The following SOX5 variants were observed in gnomAD, a reference collection of about 807,000 sequenced individuals.
SOX5 encodes SRY-box transcription factor 5, also known as transcription factor SOX-5.
SOX5 carries 9 observed loss-of-function variants against 92.0 expected under a neutral mutation model. The ratio of observed to expected loss-of-function variants is 0.10; its 90% CI spans 0.06 to 0.17. SOX5 has a LOEUF of 0.17. Among genes scored for constraint, SOX5 ranks in the 10% least tolerant of loss-of-function variants. The pLI is 1.00. For missense variants in SOX5, 642 were observed against 944.5 expected (o/e 0.68, Z 4.20); for synonymous variants, 344 against 336.3 (o/e 1.02, Z -0.25).
chr12:24,413,196 T>G (rs891125945), intron 1 of SOX5, among the ~76,000 whole-genome samples: 13 of 152,238 alleles, frequency 8.5e-5, no homozygotes, highest in African/African-American at 3.1e-4. Flanking sequence ...CTCCTTTCAA[T>G]TTAATCAGTT....
chr12:24,014,011 C>A lies in SOX5; in HGVS notation c.-1-117987G>T, dbSNP rs78681285. On this transcript the variant is annotated intron_variant, in intron 4 of 4. Coordinates refer to the SOX5 transcript ENST00000446891. ...AATAAGAAGAGAGAGATGGGTAATA[C>A]CATTTGAAGAGAAGTGTCTATTAGT... 3.3e-5 allele frequency among the ~76,000 whole-genome samples: 5 copies of A among 152,188 alleles called. No homozygotes were observed. In the East Asian group the frequency reaches 9.7e-4, roughly 29 times the overall value.
rs554750542 is a variant in SOX5 at position 24,343,328 on chromosome 12, C to T, written c.-174+25235G>A. On this transcript the variant is annotated intron_variant, in intron 2 of 4. Coordinates refer to the SOX5 transcript ENST00000446891. ...GGAAACAAAGAGCAGTAGAGTAAAA[C>T]GGCTTGCTCCTTGGGTCCCTACATC... 5.9e-5 allele frequency among the ~76,000 whole-genome samples: 9 copies of T among 152,170 alleles called. No homozygotes were observed. In the East Asian group the frequency reaches 1.2e-3, roughly 20 times the overall value.
chr12:24,310,613 CTT>C (rs972543184), intron 2 of SOX5, among the ~76,000 whole-genome samples: 6 of 152,218 alleles, frequency 3.9e-5, no homozygotes, highest in African/African-American at 1.2e-4. Flanking sequence ...CAAAATCTAA[CTT>C]TGTAAATCTA....
intron 8 of SOX5, among the ~76,000 whole-genome samples, chr12:23,635,827 A>G (rs138893526): frequency 1.3e-3 from 192 of 152,268 alleles, no homozygotes; most frequent in African/African-American, 4.5e-3. Flanking sequence ...AATGAGTGAC[A>G]ATTATGATGG....
intron 4 of SOX5, among the ~76,000 whole-genome samples, chr12:24,064,265 T>C (rs887079272): frequency 1.3e-5 from 2 of 152,212 alleles, no homozygotes; most frequent in African/African-American, 2.4e-5. Context: ...TTTGGCTAGA[T>C]TCATTTAAAA....
chr12:23,565,735 T>C (rs1279232218), intron 10 of SOX5, among the ~76,000 whole-genome samples: 2 of 151,686 alleles, frequency 1.3e-5, no homozygotes, highest in Non-Finnish European at 3.0e-5. Context: ...TTTTAGAGAC[T>C]CTTGAGTTTT....
chr12:24,172,720 C>T (rs1246345024), intron 4 of SOX5, among the ~76,000 whole-genome samples: 2 of 152,064 alleles, frequency 1.3e-5, no homozygotes, highest in Non-Finnish European at 2.9e-5. Context: ...AAGTTACTGT[C>T]CCCACTGTGA....
intron 1 of SOX5, among the ~76,000 whole-genome samples, chr12:24,450,028 C>A (rs751230007): frequency 3.9e-5 from 6 of 152,104 alleles, no homozygotes; most frequent in Non-Finnish European, 7.4e-5. Flanking sequence ...AATGAGTATG[C>A]GCAACCACAA....
chr12:23,971,335 G>T (rs1435065765), intron 4 of SOX5, among the ~76,000 whole-genome samples: 2 of 151,364 alleles, frequency 1.3e-5, no homozygotes, highest in Non-Finnish European at 2.9e-5. Context: ...TGTTAGCCAG[G>T]AAGGTCTAGA....
intron 3 of SOX5, among the ~76,000 whole-genome samples, chr12:23,772,071 C>T (rs1011604115): frequency 6.6e-6 from 1 of 152,150 alleles, no homozygotes; most frequent in Non-Finnish European, 1.5e-5. Context: ...TGCTCTTATA[C>T]TAAGTGGTTA....
chr12:23,719,640 C>T (rs1268213325), intron 6 of SOX5, among the ~76,000 whole-genome samples: 1 of 151,742 alleles, frequency 6.6e-6, no homozygotes, highest in Non-Finnish European at 1.5e-5. Flanking sequence ...ACCTGTGGTC[C>T]TAGCCACTCA....
At chr12:24,489,062 A>ATT (rs2137931202) in intron 1 of SOX5, among the ~76,000 whole-genome samples, 1 of 152,326 alleles carries the variant, frequency 6.6e-6, no homozygotes, top group South Asian at 2.1e-4. Flanking sequence ...AATAGTTTGC[A>ATT]TTGAAGGTCT....
chr12:24,259,361 T>C (rs1394078531), intron 3 of SOX5, among the ~76,000 whole-genome samples: 1 of 152,230 alleles, frequency 6.6e-6, no homozygotes, highest in Non-Finnish European at 1.5e-5. Flanking sequence ...TTTGTGTGTA[T>C]ATATTTACAT....
At chr12:23,966,094 A>G (rs1355532965) in intron 4 of SOX5, among the ~76,000 whole-genome samples, 3 of 151,938 alleles carry the variant, frequency 2.0e-5, no homozygotes, top group African/African-American at 4.8e-5. Flanking sequence ...AACATATTCA[A>G]TCATTGAAAT....
chr12:23,716,797 G>A (rs1050205880), intron 6 of SOX5, among the ~76,000 whole-genome samples: 1 of 152,136 alleles, frequency 6.6e-6, no homozygotes, highest in Non-Finnish European at 1.5e-5. Flanking sequence ...TAAGTGACTT[G>A]TACAAAGTTA....
intron 1 of SOX5, among the ~76,000 whole-genome samples, chr12:24,376,244 G>A (rs1957246596): frequency 2.0e-5 from 3 of 152,312 alleles, no homozygotes; most frequent in South Asian, 4.1e-4. Context: ...AGAGGTACTT[G>A]TGGAGGTAGC....
chr12:23,965,414 C>A (rs1569298597), intron 4 of SOX5, among the ~76,000 whole-genome samples: 1 of 152,104 alleles, frequency 6.6e-6, no homozygotes, highest in Non-Finnish European at 1.5e-5. Context: ...ACACCAGCCA[C>A]CACAGTTAGA....
rs71063303 is a variant in SOX5 at position 24,289,453 on chromosome 12, C to CT, written c.-173-12142dup. On this transcript the variant is annotated intron_variant, in intron 2 of 4. Coordinates refer to the SOX5 transcript ENST00000446891. ...AGGACGGTCTTAAGGACATTTGTATCTTTTTTTTTTTTTTTTTTGAGACGG... is the reference window on the plus strand; with the variant it reads ...AGGACGGTCTTAAGGACATTTGTATCTTTTTTTTTTTTTTTTTTTGAGACGG... 2.5e-4 allele frequency among the ~76,000 whole-genome samples: 25 copies of CT among 98,482 alleles called. 2 individuals are homozygous for CT. The highest frequency in any genetic ancestry group is 8.2e-4 in the African/African-American group (19 of 23,188). The allele number at this position is 98,482 out of a possible 152,430, so 64.6% of individuals were successfully genotyped here.
At chr12:23,984,930 A>AT (rs1005909767) in intron 4 of SOX5, among the ~76,000 whole-genome samples, 5 of 152,176 alleles carry the variant, frequency 3.3e-5, no homozygotes, top group Non-Finnish European at 7.3e-5. Flanking sequence ...AGAGGTTACA[A>AT]TTTTTTGTGT....
Sources: allele counts gnomAD v4.1 joint callset (sites outside exome capture counted in the v4.1 genomes callset), GRCh38; gene constraint gnomAD v4.1.1; transcripts MANE v1.5; gene names NCBI Gene and HGNC (gene_info 2026-07-23, HGNC 2026-07-21).